Variants in ZNF770 observed in about 807,000 individuals in gnomAD.
The protein encoded by ZNF770 is zinc finger protein 770.
In ZNF770, 13 loss-of-function variants were observed where a neutral mutation model predicts 44.8. That is an observed-to-expected ratio of 0.29 (90% CI 0.19 to 0.46). ZNF770 has a LOEUF of 0.46. Ranked by LOEUF, ZNF770 falls within the 20% of genes least tolerant of loss-of-function variation. The pLI is 1.00. For synonymous variants in ZNF770, 304 were observed against 271.8 expected, an observed-to-expected ratio of 1.12 and a Z score of -1.17; for missense variants, 681 against 797.9, an observed-to-expected ratio of 0.85 and a Z score of 1.77.
At chr15:34,985,419 A>T (rs1356502146) in intron 2 of ZNF770, among the ~76,000 whole-genome samples, 1 of 152,162 alleles carries the variant, frequency 6.6e-6, no homozygotes, top group Non-Finnish European at 1.5e-5. Flanking sequence ...GATACCTTCA[A>T]CCCCAAATCA....
chr15:34,985,846 A>G (rs1467829759), intron 2 of ZNF770, among the ~76,000 whole-genome samples: 2 of 152,120 alleles, frequency 1.3e-5, no homozygotes, highest in African/African-American at 4.8e-5. Flanking sequence ...GTGAGCCGCC[A>G]AGATTGCACC....
chr15:34,983,795 A>C (rs1164563359), intron 2 of ZNF770, among the ~76,000 whole-genome samples: 1 of 152,242 alleles, frequency 6.6e-6, no homozygotes, highest in Non-Finnish European at 1.5e-5. Context: ...TTTTAATTCC[A>C]ATTTTCCTAT....
At position 34,988,150 on chromosome 15, in the gene ZNF770, G is replaced by T. The variant is rs1468005772; in HGVS notation, c.-208C>A. On this transcript the variant is annotated 5_prime_UTR_variant, in exon 1 of 3. Transcript: ENST00000356321. ...ATTGAGGCAGGTCCGACCCTCCCTGGGGGTCGCTCCACTTCTCAGTCGGGT... is the reference window on the plus strand; with the variant it reads ...ATTGAGGCAGGTCCGACCCTCCCTGTGGGTCGCTCCACTTCTCAGTCGGGT... 1.3e-5 allele frequency: 2 copies of T among 152,246 alleles called. No homozygotes were observed. Among genetic ancestry groups the T allele is most frequent in the Non-Finnish European group, 2.9e-5 (2 of 68,058 alleles). 9.4% of individuals were successfully genotyped at this position (152,246 alleles called of 1,614,324 possible).
In ZNF770 at chr15:34,979,048, T is replaced by C. The variant is rs1366241736; in HGVS notation, c.*2311A>G. On this transcript the variant is annotated 3_prime_UTR_variant, in exon 3 of 3. Transcript: ENST00000356321. Reference sequence around the variant, plus strand: ...GGATACAGAGGGCCAACTGTTTTGTTACAGGTACTTCAAATAGCACTACAG... The same window carrying C: ...GGATACAGAGGGCCAACTGTTTTGTCACAGGTACTTCAAATAGCACTACAG... The C allele has an allele frequency of 6.6e-6, 1 of 152,652 alleles. No individual in the cohort carries two copies. The highest frequency in any genetic ancestry group is 1.9e-4 in the East Asian group (1 of 5,206). 9.5% of individuals were successfully genotyped at this position (152,652 alleles called of 1,614,324 possible).
intron 2 of ZNF770, among the ~76,000 whole-genome samples, chr15:34,984,930 T>C (rs1160373267): frequency 1.3e-5 from 2 of 151,988 alleles, no homozygotes; most frequent in African/African-American, 4.8e-5. Context: ...GCCAGGAGTT[T>C]AAGACCTGCC....
chr15:34,988,076 A>G (rs1166356842), intron 1 of ZNF770, 40 bp downstream of exon 1: 3 of 152,300 alleles, frequency 2.0e-5, no homozygotes, highest in Non-Finnish European at 2.9e-5. Context: ...GAGCTCAGGA[A>G]CTGAGGTTGT....
In ZNF770 at chr15:34,982,676, A is replaced by T. The variant is rs1195108744; in HGVS notation, c.759T>A (p.Arg253=). The T allele has an allele frequency of 1.2e-6, 2 of 1,612,708 alleles. No homozygotes were observed. Among genetic ancestry groups the T allele is most frequent in the Non-Finnish European group, 1.7e-6 (2 of 1,179,960 alleles). Residue 253 remains arginine, a synonymous_variant, in exon 3 of 3, where the codon CGT becomes CGA. Coordinates refer to ENST00000356321, the MANE Select transcript of ZNF770 (RefSeq NM_014106.4). ...AFRALLLKKR[R]TESRPLPNKL... is the part of the protein sequence containing the mutation. ...TATTAGGCAGGGGGCGAGATTCTGT[A>T]CGCCTCTTCTTTAATAAAAGAGCCC...
chr15:34,987,363 T>C (rs1367700042), intron 2 of ZNF770, among the ~76,000 whole-genome samples, 194 bp downstream of exon 2: 1 of 152,214 alleles, frequency 6.6e-6, no homozygotes, highest in Non-Finnish European at 1.5e-5. Flanking sequence ...GATCCTCACC[T>C]CACGCACTCA....
Position 34,983,802 on chromosome 15 carries a change from C to T in ZNF770, c.-56-312G>A, listed in dbSNP as rs553893074. ...AATAGATATTTTAATTCCAATTTTC[C>T]TATTTCATTATTAGGTAGATTTGCC... On this transcript the variant is annotated intron_variant, in intron 2 of 2. Transcript: ENST00000356321. 7.2e-5 allele frequency among the ~76,000 whole-genome samples: 11 copies of T among 152,200 alleles called. No individual in the cohort carries two copies. The South Asian group carries it at 2.1e-3, about 29-fold the overall frequency.
rs2050408680 is a variant in ZNF770, at chr15:34,982,411, T to C, written c.1024A>G (p.Lys342Glu). The stretch of plus-strand genomic sequence containing the variant: ...TTTTTACTCCTAGCACGCTTAAGCT[T>C]GGCCAAGATTTTTTTAACAATGGTT... ...YKTIVKKILA[K>E]LKRARSKKLD... The change falls in exon 3 of 3, where the codon AAG (lysine) becomes GAG (glutamate). Residue 342 changes from lysine (K) to glutamate (E), a missense_variant. Lys to Glu is a moderately conservative substitution (Grantham distance 56). Around this residue, in one of 5 missense-constraint regions of ZNF770, gnomAD observed 432 missense variants for 434.1 expected, o/e 1.00. Coordinates refer to ENST00000356321, the MANE Select transcript of ZNF770 (RefSeq NM_014106.4). 1 of 1,613,352 alleles carries C rather than the reference T, an allele frequency of 6.2e-7. No individual in the cohort carries two copies. Among genetic ancestry groups the C allele is most frequent in the African/African-American group, 1.3e-5 (1 of 74,940 alleles).
chr15:34,982,333 T>C lies in ZNF770; in HGVS notation c.1102A>G (p.Asn368Asp). Reference protein sequence around the residue: ...KKVFKKSFLRNCDLISGEQSS... With the variant: ...KKVFKKSFLRDCDLISGEQSS... Reference sequence around the variant, plus strand: ...TGCTCACCAGAAATAAGATCACAATTTCTCAAGAAACTCTTTTTAAATACT... The same window carrying C: ...TGCTCACCAGAAATAAGATCACAATCTCTCAAGAAACTCTTTTTAAATACT... The change falls in exon 3 of 3, where the codon AAT becomes GAT. Residue 368 changes from asparagine to aspartate, a missense_variant. By Grantham distance (23) the Asn-to-Asp change is conservative. This residue lies in a region of ZNF770 where 432 missense variants were observed against 434.1 expected (regional missense o/e 1.00). Transcript: ENST00000356321. 1 of 1,608,562 alleles carries C rather than the reference T, an allele frequency of 6.2e-7. No homozygotes were observed. The highest frequency in any genetic ancestry group is 1.7e-5 in the Admixed American group (1 of 58,664).
chr15:34,985,892 C>A (rs2050431164), intron 2 of ZNF770, among the ~76,000 whole-genome samples: 1 of 150,894 alleles, frequency 6.6e-6, no homozygotes, highest in Admixed American at 6.6e-5. Context: ...GCAAGACTCT[C>A]AAAAAAAATT....
Position 34,987,655 on chromosome 15 carries a change from C to A in ZNF770, c.-155G>T, listed in dbSNP as rs1197629918. 1 of 152,182 alleles carries A rather than the reference C, an allele frequency of 6.6e-6. No individual in the cohort carries two copies. The highest frequency in any genetic ancestry group is 1.5e-5 in the Non-Finnish European group (1 of 68,034). The allele number at this position is 152,182 out of a possible 1,614,324, so 9.4% of individuals were successfully genotyped here. On this transcript the variant is annotated 5_prime_UTR_variant, in exon 2 of 3. Coordinates refer to ENST00000356321, the MANE Select transcript of ZNF770 (RefSeq NM_014106.4). The stretch of plus-strand genomic sequence containing the variant: ...GATGTGAGGATTTCACGAAAGTAAG[C>A]GAACAAGAAATGAAAGACCTAAGAG...
Position 34,981,231 on chromosome 15 carries a change from G to A in ZNF770, c.*128C>T, listed in dbSNP as rs16973797. On this transcript the variant is annotated 3_prime_UTR_variant, in exon 3 of 3. Coordinates refer to ENST00000356321, the MANE Select transcript of ZNF770 (RefSeq NM_014106.4). The stretch of plus-strand genomic sequence containing the variant: ...TCTATGTATTCTACCTCCTTACTAT[G>A]CAGGACAAGCAAATGCCTGTGAAAC... 42,463 of 923,730 alleles carry A rather than the reference G, an allele frequency of 0.046. 4,420 individuals are homozygous for A. The highest frequency in any genetic ancestry group is 0.36 in the African/African-American group (21,670 of 59,602). The allele number at this position is 923,730 out of a possible 1,614,324, so 57.2% of individuals were successfully genotyped here. A position where few individuals can be genotyped will look rare whatever the true frequency, so the allele number is the denominator to read the frequency against.
chr15:34,982,823 T>G lies in ZNF770; in HGVS notation c.612A>C (p.Lys204Asn). ...TKSFRQSTHL[K>N]IHQLTHSEER... Reference sequence around the variant, plus strand: ...CTTCTGAATGTGTAAGTTGGTGGATTTTTAAGTGAGTTGACTGTCGAAAAG... The same window carrying G: ...CTTCTGAATGTGTAAGTTGGTGGATGTTTAAGTGAGTTGACTGTCGAAAAG... Residue 204 changes from lysine (K) to asparagine (N), a missense_variant, in exon 3 of 3, where the codon AAA (lysine) becomes AAC (asparagine). This residue lies in a region of ZNF770 where 432 missense variants were observed against 434.1 expected (regional missense o/e 1.00). Transcript: ENST00000356321. 1 of 1,613,918 alleles carries G rather than the reference T, an allele frequency of 6.2e-7. No homozygotes were observed.
rs1385883621 is a variant in ZNF770, at chr15:34,978,909, T to C, written c.*2450A>G. On this transcript the variant is annotated 3_prime_UTR_variant, in exon 3 of 3. Transcript: ENST00000356321. ...ACTTTATCCCTAGACTAATACCTAA[T>C]GCAATGTAAATGCTATTTAAATAAC... The C allele has an allele frequency of 6.6e-6, 1 of 152,250 alleles. No homozygotes were observed. Among genetic ancestry groups the C allele is most frequent in the African/African-American group, 2.4e-5 (1 of 41,462 alleles). 9.4% of individuals were successfully genotyped at this position (152,250 alleles called of 1,614,324 possible).
At chr15:34,984,970 TAAA>T in intron 2 of ZNF770, among the ~76,000 whole-genome samples, 1 of 151,938 alleles carries the variant, frequency 6.6e-6, no homozygotes, top group South Asian at 2.1e-4. Context: ...CCGTCTCGAC[TAAA>T]AATACAAAAA....
At position 34,979,913 on chromosome 15, in the gene ZNF770, T is replaced by C. The variant is rs1352601576; in HGVS notation, c.*1446A>G. 2 of 278,716 alleles carry C rather than the reference T, an allele frequency of 7.2e-6. No individual in the cohort carries two copies. The highest frequency in any genetic ancestry group is 1.4e-5 in the Non-Finnish European group (2 of 143,038). 17.3% of individuals were successfully genotyped at this position (278,716 alleles called of 1,614,324 possible). On this transcript the variant is annotated 3_prime_UTR_variant, in exon 3 of 3. Transcript: ENST00000356321. The stretch of plus-strand genomic sequence containing the variant: ...TTGTAATTATGAAATAAGTCCTTTG[T>C]AGTAAAGAATATTTCCCAAATCATA...
At position 34,987,199 on chromosome 15, in the gene ZNF770, C is replaced by G. The variant is rs116667957; in HGVS notation, c.-57+358G>C. On this transcript the variant is annotated intron_variant, in intron 2 of 2. Coordinates refer to ENST00000356321, the MANE Select transcript of ZNF770 (RefSeq NM_014106.4). ...CTACAGCTCCTGTACCAAAAAGGAG[C>G]TACGGTTAATCATCCATTGTTAGCA... is the stretch of plus-strand genomic sequence containing the variant. Among the ~76,000 whole-genome samples, 1,425 of 152,346 alleles carry G rather than the reference C, an allele frequency of 9.4e-3. 21 individuals are homozygous for G. Among genetic ancestry groups the G allele is most frequent in the African/African-American group, 0.032 (1,333 of 41,586 alleles).
Sources: gnomAD v4.1 joint callset for allele counts (sites outside exome capture counted in the v4.1 genomes callset) on GRCh38, gnomAD v4.1.1 for gene constraint, gnomAD v4.1.1 regional missense constraint, MANE v1.5 for transcripts, NCBI Gene and HGNC (gene_info 2026-07-23, HGNC 2026-07-21) for gene names.